The following TSC22D1 variants were observed in gnomAD, a reference collection of about 807,000 sequenced individuals.
TSC22D1 encodes the protein TSC22 domain family member 1, also known as TSC22 domain family protein 1.
Under a neutral mutation model 74.2 loss-of-function variants are expected in TSC22D1, and 9 were observed. The ratio of observed to expected loss-of-function variants is 0.12; its 90% CI spans 0.07 to 0.21. TSC22D1 has a LOEUF of 0.21. Ranked by LOEUF, TSC22D1 falls within the 10% of genes least tolerant of loss-of-function variation. TSC22D1 has a pLI of 1.00. For synonymous variants in TSC22D1, 586 were observed against 492.5 expected (o/e 1.19, Z -2.51); for missense variants, 1,427 against 1,304.7 (o/e 1.09, Z -1.44).
intron 1 of TSC22D1, among the ~76,000 whole-genome samples, chr13:44,551,164 A>T (rs1186774150): frequency 6.6e-6 from 1 of 151,844 alleles, no homozygotes; most frequent in Non-Finnish European, 1.5e-5. Flanking sequence ...CTGGTTACTC[A>T]GGGAAACTGA....
Position 44,534,253 on chromosome 13 carries a change from C to A in TSC22D1, c.2912+38910G>T, listed in dbSNP as rs111645219. Among the ~76,000 whole-genome samples, 228 of 144,606 alleles carry A rather than the reference C, an allele frequency of 1.6e-3. 2 individuals carry two copies. The highest frequency in any genetic ancestry group is 5.5e-3 in the African/African-American group (214 of 38,848). The allele number at this position is 144,606 out of a possible 152,430, so 94.9% of individuals were successfully genotyped here. ...GGAGAAAAAAAAAAAAAAAAGCAGA[C>A]ATGGCAGTGCACGCCTGTAGCAGAA... On this transcript the variant is annotated intron_variant, in intron 1 of 2. Coordinates refer to ENST00000458659, the MANE Select transcript of TSC22D1 (RefSeq NM_183422.4).
chr13:44,477,647 T>TA (rs1566131427), intron 1 of TSC22D1, among the ~76,000 whole-genome samples: 1 of 149,742 alleles, frequency 6.7e-6, no homozygotes, highest in African/African-American at 2.5e-5. Context: ...GATTTTTTTT[T>TA]TTTTTTTTTT....
intron 1 of TSC22D1, chr13:44,537,987 T>G: frequency 1.0e-6 from 1 of 985,298 alleles, no homozygotes; most frequent in Non-Finnish European, 1.2e-6. Flanking sequence ...AGCTTTTGAC[T>G]GACCAGTTAA....
At chr13:44,462,095 T>C (rs1877029326) in intron 1 of TSC22D1, among the ~76,000 whole-genome samples, 1 of 152,184 alleles carries the variant, frequency 6.6e-6, no homozygotes, top group African/African-American at 2.4e-5. Flanking sequence ...AATCAAAATG[T>C]AAACATCATT....
At chr13:44,539,872 C>T (rs1162157710) in intron 1 of TSC22D1, 1 of 1,289,680 alleles carries the variant, frequency 7.8e-7, no homozygotes, top group Admixed American at 2.3e-5. Context: ...GTGGTCTTGG[C>T]TGTATCTGTG....
chr13:44,470,559 C>T (rs1197280890), intron 1 of TSC22D1, among the ~76,000 whole-genome samples: 5 of 152,294 alleles, frequency 3.3e-5, no homozygotes, highest in African/African-American at 9.6e-5. Flanking sequence ...TAATATTTCT[C>T]ATAACTACAG....
intron 1 of TSC22D1, among the ~76,000 whole-genome samples, chr13:44,481,973 AT>A (rs541644748): frequency 2.6e-5 from 4 of 152,184 alleles, no homozygotes; most frequent in South Asian, 4.1e-4. Context: ...TCCATCCTCA[AT>A]TATACTTCTT....
At chr13:44,540,484 T>C (rs952551104) in intron 1 of TSC22D1, among the ~76,000 whole-genome samples, 2 of 152,222 alleles carry the variant, frequency 1.3e-5, no homozygotes. Context: ...GCTAAGCCTA[T>C]ATTTTATGAA....
chr13:44,488,757 AC>A (rs1878567923), intron 1 of TSC22D1, among the ~76,000 whole-genome samples: 1 of 152,360 alleles, frequency 6.6e-6, no homozygotes, highest in Admixed American at 6.5e-5. Context: ...GACAAAAGAA[AC>A]AAAAATATAA....
intron 1 of TSC22D1, among the ~76,000 whole-genome samples, chr13:44,559,903 G>GTGAA (rs1882926334): frequency 2.0e-5 from 3 of 151,844 alleles, no homozygotes; most frequent in Non-Finnish European, 2.9e-5. Context: ...TGTTGGCCAG[G>GTGAA]CTGGTCTTGA....
chr13:44,511,985 C>T (rs1356507484), intron 1 of TSC22D1, among the ~76,000 whole-genome samples: 2 of 152,128 alleles, frequency 1.3e-5, no homozygotes, highest in African/African-American at 4.8e-5. Context: ...TTTTCTCATT[C>T]TCATTCTACA....
intron 1 of TSC22D1, chr13:44,436,694 G>A (rs1874675288): frequency 6.5e-7 from 1 of 1,529,716 alleles, no homozygotes; most frequent in Non-Finnish European, 8.7e-7. Context: ...GTATAAGCTA[G>A]ATAAAATCTT....
At chr13:44,436,925 T>C in intron 1 of TSC22D1, 1 of 1,047,480 alleles carries the variant, frequency 9.5e-7, no homozygotes, top group Non-Finnish European at 1.1e-6. Context: ...GGCACGCCAC[T>C]GGGACCGCCC....
At chr13:44,437,730 C>T (rs1874840479) in intron 1 of TSC22D1, among the ~76,000 whole-genome samples, 1 of 152,160 alleles carries the variant, frequency 6.6e-6, no homozygotes, top group Non-Finnish European at 1.5e-5. Flanking sequence ...GACAATTCCT[C>T]TAAGACTCAA....
intron 1 of TSC22D1, among the ~76,000 whole-genome samples, chr13:44,528,205 C>T (rs1880645669): frequency 6.6e-6 from 1 of 152,058 alleles, no homozygotes; most frequent in African/African-American, 2.4e-5. Flanking sequence ...ATCTAATTGA[C>T]ATCTATAGGC....
chr13:44,499,713 CTAAG>C (rs1879137042), intron 1 of TSC22D1, among the ~76,000 whole-genome samples: 1 of 152,146 alleles, frequency 6.6e-6, no homozygotes, highest in African/African-American at 2.4e-5. Flanking sequence ...TGTGCTTTGC[CTAAG>C]TAATTCATTT....
chr13:44,558,401 C>T (rs1197273722), intron 1 of TSC22D1, among the ~76,000 whole-genome samples: 1 of 152,090 alleles, frequency 6.6e-6, no homozygotes, highest in East Asian at 1.9e-4. Flanking sequence ...CAATCTTATA[C>T]AAGCTTACAA....
chr13:44,501,860 A>T (rs774541427), intron 1 of TSC22D1, among the ~76,000 whole-genome samples: 15 of 151,928 alleles, frequency 9.9e-5, no homozygotes, highest in Non-Finnish European at 2.1e-4. Context: ...TCTTTCCCAA[A>T]GTCGCCAAAT....
At chr13:44,558,955 T>C (rs2138188703) in intron 1 of TSC22D1, among the ~76,000 whole-genome samples, 1 of 152,322 alleles carries the variant, frequency 6.6e-6, no homozygotes, top group Admixed American at 6.5e-5. Context: ...AAATTCCTAA[T>C]AATAAAACAT....
Sources: allele counts gnomAD v4.1 joint callset (sites outside exome capture counted in the v4.1 genomes callset), GRCh38; gene constraint gnomAD v4.1.1; transcripts MANE v1.5; gene names NCBI Gene and HGNC (gene_info 2026-07-23, HGNC 2026-07-21).